Variants in LMX1B observed in about 807,000 individuals in gnomAD.
The protein encoded by LMX1B is LIM homeobox transcription factor 1-beta.
LMX1B carries 12 observed loss-of-function variants against 51.4 expected under a neutral mutation model. The ratio of observed to expected loss-of-function variants is 0.23; its 90% CI spans 0.15 to 0.38. The LOEUF (loss-of-function observed/expected upper bound fraction) is 0.38. LMX1B is among the 10% of genes least tolerant of loss of function. The pLI, the probability that LMX1B is intolerant of heterozygous loss-of-function variation, is 1.00. For synonymous variants in LMX1B, 237 were observed against 235.4 expected, an observed-to-expected ratio of 1.01 and a Z score of -0.06; for missense variants, 445 against 571.1, an observed-to-expected ratio of 0.78 and a Z score of 2.25.
At position 126,696,289 on chromosome 9, in the gene LMX1B, C is replaced by A. The variant is rs886063419; in HGVS notation, c.1052-5C>A. ...CCCGGTCCTGACACCCCTTCTGCCC[C>A]CCAGGGAACGACTCCATCTTCCATG... On this transcript the variant is annotated splice_region_variant and splice_polypyrimidine_tract_variant and intron_variant, in intron 7 of 7. Coordinates refer to ENST00000373474, the MANE Select transcript of LMX1B (RefSeq NM_001174147.2). The A allele has an allele frequency of 1.2e-6, 2 of 1,614,022 alleles. No individual in the cohort carries two copies.
rs559331249 is a variant in LMX1B at position 126,690,822 on chromosome 9, T to G, written c.327-14T>G. 4.4e-6 allele frequency: 7 copies of G among 1,597,612 alleles called. No individual in the cohort carries two copies. In the African/African-American group the frequency reaches 9.4e-5, roughly 21 times the overall value. Reference sequence around the variant, plus strand: ...TCTGAGCACCGCCAACACGCCCGCTTTGTGCATCCGCAGGCTCTTCGCGGC... The same window carrying G: ...TCTGAGCACCGCCAACACGCCCGCTGTGTGCATCCGCAGGCTCTTCGCGGC... On this transcript the variant is annotated splice_polypyrimidine_tract_variant and intron_variant, in intron 2 of 7. Transcript: ENST00000373474.
rs925025767 is a variant in LMX1B, at chr9:126,673,788, G to T, written c.327-17048G>T. Among the ~76,000 whole-genome samples, 2 of 152,238 alleles carry T rather than the reference G, an allele frequency of 1.3e-5. No homozygotes were observed. The highest frequency in any genetic ancestry group is 3.4e-3 in the Middle Eastern group (1 of 294). On this transcript the variant is annotated intron_variant, in intron 2 of 7. Coordinates refer to ENST00000373474, the MANE Select transcript of LMX1B (RefSeq NM_001174147.2). This position sits in a 1 kb window ranked among gnomAD's most constrained non-coding sequence, Gnocchi z 4.4. The stretch of plus-strand genomic sequence containing the variant: ...TGCTTGTGCAGGGGTGGTGGGAGGG[G>T]CCGGGGTGGAGGGCGCATCCCCACG...
chr9:126,684,857 C>T (rs968578535), intron 2 of LMX1B, among the ~76,000 whole-genome samples: 2 of 152,136 alleles, frequency 1.3e-5, no homozygotes, highest in South Asian at 2.1e-4. Flanking sequence ...TTCAACAAAC[C>T]GGACCCAAGT....
chr9:126,662,717 C>T (rs1248241353), intron 2 of LMX1B, among the ~76,000 whole-genome samples: 1 of 152,324 alleles, frequency 6.6e-6, no homozygotes, highest in East Asian at 1.9e-4. Flanking sequence ...CACAGAGGGC[C>T]CATTGTTGCT....
chr9:126,695,789 C>A lies in LMX1B; in HGVS notation c.887-50C>A. 1 of 1,602,714 alleles carries A rather than the reference C, an allele frequency of 6.2e-7. No individual in the cohort carries two copies. Among genetic ancestry groups the A allele is most frequent in the Non-Finnish European group, 8.5e-7 (1 of 1,173,376 alleles). On this transcript the variant is annotated intron_variant, in intron 6 of 7. Coordinates refer to ENST00000373474, the MANE Select transcript of LMX1B (RefSeq NM_001174147.2). The surrounding 1 kb of genome is among the most constrained non-coding windows in gnomAD (Gnocchi z 5.2). ...AGAAGGGGAGGCTGCTGGGGTGTAG[C>A]TGGGAGGGCGTGGACCAGGCCAGGG...
Position 126,696,010 on chromosome 9 carries a change from C to T in LMX1B, c.1051+7C>T, listed in dbSNP as rs754816699. On this transcript the variant is annotated splice_region_variant and intron_variant, in intron 7 of 7. Transcript: ENST00000373474. ...GACCACATGAACCCCTATGGTAAGCCGCCCTACCCCCACCCGCCCGCCCCA... is the reference window on the plus strand; with the variant it reads ...GACCACATGAACCCCTATGGTAAGCTGCCCTACCCCCACCCGCCCGCCCCA... 3.7e-5 allele frequency: 58 copies of T among 1,581,438 alleles called. No individual in the cohort carries two copies. Among genetic ancestry groups the T allele is most frequent in the Admixed American group, 1.0e-4 (6 of 58,356 alleles).
At chr9:126,656,388 T>C (rs1836115994) in intron 2 of LMX1B, among the ~76,000 whole-genome samples, 1 of 43,188 alleles carries the variant, frequency 2.3e-5, no homozygotes, top group African/African-American at 8.4e-5. Context: ...GGTCTTTAGA[T>C]AGATAGATAG....
intron 2 of LMX1B, among the ~76,000 whole-genome samples, chr9:126,644,201 C>T (rs933368848): frequency 6.6e-6 from 1 of 152,146 alleles, no homozygotes; most frequent in African/African-American, 2.4e-5. Context: ...CTGCTGAAGT[C>T]GTTTCCCAGG....
chr9:126,614,310 C>T lies in LMX1B; in HGVS notation c.-140C>T. 2 of 441,778 alleles carry T rather than the reference C, an allele frequency of 4.5e-6. No individual in the cohort carries two copies. The highest frequency in any genetic ancestry group is 6.0e-6 in the Non-Finnish European group (2 of 335,246). The allele number at this position is 441,778 out of a possible 1,614,324, so 27.4% of individuals were successfully genotyped here. A position where few individuals can be genotyped will look rare whatever the true frequency, so the allele number is the denominator to read the frequency against. On this transcript the variant is annotated 5_prime_UTR_variant, in exon 1 of 8. In the 5' UTR this introduces an upstream ATG that the reference lacks. Coordinates refer to ENST00000373474, the MANE Select transcript of LMX1B (RefSeq NM_001174147.2). ...CCGGGGCCAGCGCGTCGCCGCTCCA[C>T]GATCGCCGGGGGCCGGCGCAACCCC...
intron 2 of LMX1B, among the ~76,000 whole-genome samples, chr9:126,686,761 A>G (rs1272494023): frequency 6.6e-6 from 1 of 152,208 alleles, no homozygotes; most frequent in Non-Finnish European, 1.5e-5. Context: ...GTGTGACCTT[A>G]AAAGAGTGAC....
At position 126,697,971 on chromosome 9, in the gene LMX1B, GTTCAAGTGA is replaced by G. The variant is rs1223143724; in HGVS notation, c.*1524_*1532del. On this transcript the variant is annotated 3_prime_UTR_variant, in exon 8 of 8. Coordinates refer to ENST00000373474, the MANE Select transcript of LMX1B (RefSeq NM_001174147.2). Reference sequence around the variant, plus strand: ...GCTCACCACAACCTCCGCCTCCCAGGTTCAAGTGATTCTGATGCCTCAGCCTCCCTAGTA... The same window carrying G: ...GCTCACCACAACCTCCGCCTCCCAGGTTCTGATGCCTCAGCCTCCCTAGTA... The G allele has an allele frequency of 1.3e-5, 2 of 153,488 alleles. No homozygotes were observed. The highest frequency in any genetic ancestry group is 4.8e-5 in the African/African-American group (2 of 41,436). The allele number at this position is 153,488 out of a possible 1,614,324, so 9.5% of individuals were successfully genotyped here. A position where few individuals can be genotyped will look rare whatever the true frequency, so the allele number is the denominator to read the frequency against.
intron 1 of LMX1B, 112 bp downstream of exon 1, chr9:126,614,700 T>A (rs2118820203): frequency 8.3e-7 from 1 of 1,200,186 alleles, no homozygotes; most frequent in South Asian, 1.8e-5. Context: ...TTGCAGGACA[T>A]GGGGAGGAGG....
chr9:126,683,070 C>T (rs560954092), intron 2 of LMX1B, among the ~76,000 whole-genome samples: 1 of 151,516 alleles, frequency 6.6e-6, no homozygotes, highest in African/African-American at 2.4e-5. Flanking sequence ...CGACAGCGCC[C>T]CTGGCGCGGA....
At chr9:126,656,439 G>GT (rs1836119453) in intron 2 of LMX1B, among the ~76,000 whole-genome samples, 1 of 142,136 alleles carries the variant, frequency 7.0e-6, no homozygotes, top group Non-Finnish European at 1.6e-5. Context: ...AGATAGATAG[G>GT]ATAGATAGAT....
chr9:126,678,975 A>C (rs1836623306), intron 2 of LMX1B, among the ~76,000 whole-genome samples: 1 of 152,244 alleles, frequency 6.6e-6, no homozygotes, highest in South Asian at 2.1e-4. Context: ...GCAGCAGTCC[A>C]AAATCCTTAA....
rs1348860842 is a variant in LMX1B, at chr9:126,641,946, C to T, written c.326+26377C>T. On this transcript the variant is annotated intron_variant, in intron 2 of 7. Coordinates refer to ENST00000373474, the MANE Select transcript of LMX1B (RefSeq NM_001174147.2). The surrounding 1 kb of genome is among the most constrained non-coding windows in gnomAD (Gnocchi z 4.1). ...TAGGGACCAGCTTATCCCCATTTTACAGATGACGCAACAGCCTCAGAGCAG... is the reference window on the plus strand; with the variant it reads ...TAGGGACCAGCTTATCCCCATTTTATAGATGACGCAACAGCCTCAGAGCAG... Among the ~76,000 whole-genome samples the T allele has an allele frequency of 6.6e-6, 1 of 152,198 alleles. No individual in the cohort carries two copies. Among genetic ancestry groups the T allele is most frequent in the Non-Finnish European group, 1.5e-5 (1 of 68,016 alleles).
At position 126,625,818 on chromosome 9, in the gene LMX1B, C is replaced by G. The variant is rs1046038385; in HGVS notation, c.326+10249C>G. ...TGGCCCTTCGACGTCGCCGCCGTGC[C>G]TGAGCCCCGCTGCCTGCTCGGACAA... is the stretch of plus-strand genomic sequence containing the variant. On this transcript the variant is annotated intron_variant, in intron 2 of 7. Coordinates refer to ENST00000373474, the MANE Select transcript of LMX1B (RefSeq NM_001174147.2). This position sits in a 1 kb window ranked among gnomAD's most constrained non-coding sequence, Gnocchi z 5.3. 3.3e-5 allele frequency among the ~76,000 whole-genome samples: 5 copies of G among 152,224 alleles called. No homozygotes were observed. Among genetic ancestry groups the G allele is most frequent in the African/African-American group, 1.2e-4 (5 of 41,460 alleles).
chr9:126,639,538 A>T (rs1044526346), intron 2 of LMX1B, among the ~76,000 whole-genome samples: 1 of 152,224 alleles, frequency 6.6e-6, no homozygotes, highest in African/African-American at 2.4e-5. Flanking sequence ...CTAATTAAAG[A>T]CTTCGGGCCA....
chr9:126,651,180 C>T (rs969979801), intron 2 of LMX1B, among the ~76,000 whole-genome samples: 6 of 151,990 alleles, frequency 3.9e-5, no homozygotes, highest in Non-Finnish European at 8.8e-5. Context: ...TCCTTCTCTC[C>T]GTGCTGGGGC....
Sources: allele counts gnomAD v4.1 joint callset (sites outside exome capture counted in the v4.1 genomes callset), GRCh38; gene constraint gnomAD v4.1.1; non-coding constraint Gnocchi (gnomAD v3.1); transcripts MANE v1.5; gene names NCBI Gene and HGNC (gene_info 2026-07-23, HGNC 2026-07-21).